Variants in GPR160 observed in about 807,000 individuals in gnomAD.
GPR160 encodes the protein G protein-coupled receptor 160, also known as probable G protein-coupled receptor 160.
GPR160 carries 2 observed loss-of-function variants against 2.6 expected under a neutral mutation model. That is an observed-to-expected ratio of 0.77 (90% CI 0.32 to 2.44). GPR160 has a LOEUF of 2.44. Ranked by LOEUF, GPR160 falls within the 30% of genes most tolerant of loss-of-function variation. GPR160 has a pLI of 0.11. For missense variants in GPR160, 351 were observed against 383.6 expected (o/e 0.91, Z 0.71); for synonymous variants, 130 against 132.2 (o/e 0.98, Z 0.12).
chr3:170,044,460 A>G (rs1476601232), intron 2 of GPR160, among the ~76,000 whole-genome samples: 1 of 151,726 alleles, frequency 6.6e-6, no homozygotes, highest in Non-Finnish European at 1.5e-5. Flanking sequence ...CATGCTGCCT[A>G]TTTTCTCACT....
intron 2 of GPR160, among the ~76,000 whole-genome samples, chr3:170,070,862 T>G (rs1285157975): frequency 6.6e-6 from 1 of 152,360 alleles, no homozygotes; most frequent in East Asian, 1.9e-4. Context: ...TTTTTACTTT[T>G]ATATTTAATG....
intron 2 of GPR160, among the ~76,000 whole-genome samples, chr3:170,055,673 C>T (rs1237738691): frequency 1.3e-5 from 2 of 152,072 alleles, no homozygotes; most frequent in East Asian, 3.9e-4. Flanking sequence ...CTCGCTCTGT[C>T]CCCCAGGCTG....
At chr3:170,064,772 C>G (rs1036049062) in intron 2 of GPR160, among the ~76,000 whole-genome samples, 1 of 152,050 alleles carries the variant, frequency 6.6e-6, no homozygotes, top group South Asian at 2.1e-4. Context: ...CCCGCCTCGG[C>G]CTTCCAAAGT....
chr3:170,071,660 G>T (rs867564265), intron 2 of GPR160, among the ~76,000 whole-genome samples: 16 of 152,152 alleles, frequency 1.1e-4, no homozygotes, highest in South Asian at 1.0e-3. Flanking sequence ...GCCGGGCATG[G>T]TGGTACATGC....
intron 2 of GPR160, among the ~76,000 whole-genome samples, chr3:170,063,772 A>G (rs951840667): frequency 6.6e-6 from 1 of 152,062 alleles, no homozygotes; most frequent in Non-Finnish European, 1.5e-5. Context: ...GTATGAATAT[A>G]TTTTTAAAAG....
At chr3:170,075,017 G>A (rs1046991827) in intron 2 of GPR160, among the ~76,000 whole-genome samples, 4 of 152,072 alleles carry the variant, frequency 2.6e-5, no homozygotes, top group Non-Finnish European at 5.9e-5. Flanking sequence ...CTTTAAGTCA[G>A]GAATTCGAGA....
At chr3:170,064,386 G>A (rs1055832972) in intron 2 of GPR160, among the ~76,000 whole-genome samples, 8 of 152,128 alleles carry the variant, frequency 5.3e-5, no homozygotes, top group African/African-American at 1.9e-4. Flanking sequence ...GCGCCCAGGT[G>A]TGCGGGCAGG....
At position 170,084,114 on chromosome 3, in the gene GPR160, A is replaced by G. The variant is rs201983549; in HGVS notation, c.142A>G (p.Lys48Glu). 22 of 1,598,020 alleles carry G rather than the reference A, an allele frequency of 1.4e-5. No individual in the cohort carries two copies. Among genetic ancestry groups the G allele is most frequent in the Non-Finnish European group, 6.8e-6 (8 of 1,172,420 alleles). The change falls in exon 4 of 4, where the codon AAA becomes GAA. Residue 48 changes from lysine to glutamate, a missense_variant. Coordinates refer to ENST00000355897, the MANE Select transcript of GPR160 (RefSeq NM_014373.3). The stretch of plus-strand genomic sequence containing the variant: ...TATCCTTACACTAGGAATGAGAAGA[A>G]AAAACACCTGTCAAAATTTTATGGA... The part of the protein sequence containing the change: ...LNILTLGMRR[K>E]NTCQNFMEYF...
intron 2 of GPR160, among the ~76,000 whole-genome samples, chr3:170,069,539 A>G (rs1192451936): frequency 1.3e-5 from 2 of 152,166 alleles, no homozygotes; most frequent in African/African-American, 2.4e-5. Context: ...TTTACCGTCC[A>G]TCTGTTCATT....
intron 2 of GPR160, among the ~76,000 whole-genome samples, chr3:170,052,862 G>A (rs746507256): frequency 3.9e-5 from 6 of 152,040 alleles, no homozygotes; most frequent in Admixed American, 6.6e-5. Context: ...AGCTATGCTT[G>A]TGATCTCTCC....
intron 2 of GPR160, among the ~76,000 whole-genome samples, chr3:170,044,098 G>A (rs1716587365): frequency 6.6e-6 from 1 of 151,906 alleles, no homozygotes; most frequent in Admixed American, 6.5e-5. Flanking sequence ...GCCAAGGTGC[G>A]GGGATCACCT....
In GPR160 at chr3:170,084,496, C is replaced by CT; in HGVS notation, c.527dup (p.Tyr177LeufsTer43). 1.2e-6 allele frequency: 2 copies of CT among 1,613,476 alleles called. No homozygotes were observed. Among genetic ancestry groups the CT allele is most frequent in the Non-Finnish European group, 1.7e-6 (2 of 1,179,468 alleles). ...CAGAATGCTTATTCTCGTCACTGTC[C>CT]TTTCTATGTCAGCATTCAGAGTTAC... On this transcript the variant is annotated frameshift_variant, in exon 4 of 4. Coordinates refer to ENST00000355897, the MANE Select transcript of GPR160 (RefSeq NM_014373.3). LOFTEE classifies it low-confidence loss of function (END_TRUNC).
At chr3:170,062,020 AGTTTT>A (rs138968699) in intron 2 of GPR160, among the ~76,000 whole-genome samples, 39,449 of 151,838 alleles carry the variant, frequency 0.26, 5,625 homozygotes, top group East Asian at 0.48. Context: ...TTAAATTCCA[AGTTTT>A]TTTATTTTAT....
chr3:170,054,980 G>A (rs966106597), intron 2 of GPR160, among the ~76,000 whole-genome samples: 4 of 152,054 alleles, frequency 2.6e-5, no homozygotes, highest in South Asian at 2.1e-4. Context: ...TTTTAGTAGA[G>A]ACAGGGTTTC....
chr3:170,051,955 TC>T (rs1716974738), intron 2 of GPR160, among the ~76,000 whole-genome samples: 1 of 152,176 alleles, frequency 6.6e-6, no homozygotes. Context: ...AGATGGAGTC[TC>T]ACTCTGTCAC....
At chr3:170,073,418 G>A (rs1712695919) in intron 2 of GPR160, among the ~76,000 whole-genome samples, 2 of 152,158 alleles carry the variant, frequency 1.3e-5, no homozygotes, top group African/African-American at 2.4e-5. Flanking sequence ...AGCACCATGA[G>A]ATTGATCTTG....
At chr3:170,069,478 A>G (rs1207767335) in intron 2 of GPR160, among the ~76,000 whole-genome samples, 1 of 152,214 alleles carries the variant, frequency 6.6e-6, no homozygotes, top group Non-Finnish European at 1.5e-5. Context: ...TGTGAATAGC[A>G]GTCTCCTAGG....
chr3:170,061,666 C>CA (rs1711963785), intron 2 of GPR160, among the ~76,000 whole-genome samples: 1 of 152,002 alleles, frequency 6.6e-6, no homozygotes, highest in Non-Finnish European at 1.5e-5. Context: ...ACTAAGATAA[C>CA]CATCATTAAC....
chr3:170,062,696 G>A, intron 2 of GPR160: 1 of 1,423,242 alleles, frequency 7.0e-7, no homozygotes, highest in Non-Finnish European at 9.8e-7. Flanking sequence ...GGGCAAACAG[G>A]CCCCCGAAAA....
Sources: gnomAD v4.1 joint callset for allele counts (sites outside exome capture counted in the v4.1 genomes callset) on GRCh38, gnomAD v4.1.1 for gene constraint, MANE v1.5 for transcripts, NCBI Gene and HGNC (gene_info 2026-07-23, HGNC 2026-07-21) for gene names.